MAP4K3: variants seen among roughly 807,000 people sequenced by gnomAD.
The protein encoded by MAP4K3 is mitogen-activated protein kinase kinase kinase kinase 3.
MAP4K3 carries 94 observed loss-of-function variants against 143.5 expected under a neutral mutation model. The ratio of observed to expected loss-of-function variants is 0.65; its 90% CI spans 0.55 to 0.78. The LOEUF is 0.78. Ranked by LOEUF, MAP4K3 falls within the 30% of genes least tolerant of loss-of-function variation. MAP4K3 has a pLI of 0.00. For synonymous variants in MAP4K3, 416 were observed against 347.2 expected, an observed-to-expected ratio of 1.20 and a Z score of -2.20; for missense variants, 1,077 against 1,068.1, an observed-to-expected ratio of 1.01 and a Z score of -0.12.
At chr2:39,253,156 G>A (rs549920458) in intron 32 of MAP4K3, among the ~76,000 whole-genome samples, 24 of 152,242 alleles carry the variant, frequency 1.6e-4, no homozygotes, top group African/African-American at 5.3e-4. Flanking sequence ...GGAGGGGGAC[G>A]GAGTCTTGTT....
rs552085598 is a variant in MAP4K3 at position 39,327,163 on chromosome 2, C to G, written c.531-886G>C. On this transcript the variant is annotated intron_variant, in intron 8 of 33. Coordinates refer to ENST00000263881, the MANE Select transcript of MAP4K3 (RefSeq NM_003618.4). ...TAATAAGCAACCTATAGCTCTACTT[C>G]CTGTTATCAAAAAACTGCGACCAGG... is the stretch of plus-strand genomic sequence containing the variant. Among the ~76,000 whole-genome samples the G allele has an allele frequency of 2.6e-5, 4 of 152,254 alleles. No homozygotes were observed. The East Asian group carries it at 5.8e-4, about 22-fold the overall frequency.
intron 1 of MAP4K3, among the ~76,000 whole-genome samples, chr2:39,429,938 C>A (rs1346398701): frequency 6.6e-6 from 1 of 152,168 alleles, no homozygotes; most frequent in South Asian, 2.1e-4. Context: ...ATCAAAAGTG[C>A]TGAGGCAATT....
At chr2:39,391,184 T>C (rs1447933601) in intron 1 of MAP4K3, among the ~76,000 whole-genome samples, 1 of 149,906 alleles carries the variant, frequency 6.7e-6, no homozygotes, top group East Asian at 2.0e-4. Flanking sequence ...TGAAACCCCG[T>C]CTCTACTAAA....
chr2:39,281,659 C>T (rs984417327), intron 22 of MAP4K3, among the ~76,000 whole-genome samples: 5 of 152,080 alleles, frequency 3.3e-5, no homozygotes, highest in Admixed American at 3.3e-4. Flanking sequence ...CCCTGTCAAA[C>T]TGCAAGCCTG....
intron 12 of MAP4K3, among the ~76,000 whole-genome samples, chr2:39,322,820 C>T (rs941760309): frequency 6.6e-6 from 1 of 151,920 alleles, no homozygotes; most frequent in African/African-American, 2.4e-5. Flanking sequence ...CACGCATGAG[C>T]CACCATGCCC....
At chr2:39,435,446 T>C (rs910276308) in intron 1 of MAP4K3, among the ~76,000 whole-genome samples, 15 of 152,110 alleles carry the variant, frequency 9.9e-5, no homozygotes, top group African/African-American at 3.4e-4. Context: ...TCACATATCA[T>C]GCTCCCCTAT....
At chr2:39,415,649 C>A (rs2148621885) in intron 1 of MAP4K3, among the ~76,000 whole-genome samples, 1 of 151,822 alleles carries the variant, frequency 6.6e-6, no homozygotes, top group South Asian at 2.1e-4. Flanking sequence ...ATTAATGGTA[C>A]TTAATATAAA....
At chr2:39,320,202 A>G (rs568416517) in intron 12 of MAP4K3, among the ~76,000 whole-genome samples, 1 of 152,314 alleles carries the variant, frequency 6.6e-6, no homozygotes, top group South Asian at 2.1e-4. Context: ...AAAATTAAGT[A>G]TTTCAATAAT....
At chr2:39,383,148 G>C (rs946133886) in intron 1 of MAP4K3, among the ~76,000 whole-genome samples, 4 of 152,156 alleles carry the variant, frequency 2.6e-5, no homozygotes, top group African/African-American at 9.7e-5. Context: ...AGGTGTATTA[G>C]TTTGTTCTCA....
intron 1 of MAP4K3, among the ~76,000 whole-genome samples, chr2:39,396,239 C>A (rs12712642): frequency 0.67 from 101,974 of 151,504 alleles, 37,715 homozygotes; most frequent in Non-Finnish European, 0.82. Flanking sequence ...TGGGGTCTCA[C>A]GATGTTGCTC....
chr2:39,251,556 A>C (rs915130011), intron 33 of MAP4K3, among the ~76,000 whole-genome samples: 9 of 152,242 alleles, frequency 5.9e-5, no homozygotes, highest in African/African-American at 2.2e-4. Flanking sequence ...AGTTCTGTTC[A>C]TTAACATATG....
At chr2:39,371,609 A>G (rs1666082919) in intron 2 of MAP4K3, among the ~76,000 whole-genome samples, 1 of 152,210 alleles carries the variant, frequency 6.6e-6, no homozygotes, top group Non-Finnish European at 1.5e-5. Context: ...TGGATAAGAA[A>G]ATAAGGCCCA....
At position 39,325,566 on chromosome 2, in the gene MAP4K3, A is replaced by G. The variant is rs750022647; in HGVS notation, c.870T>C (p.Asn290=). Residue 290 remains asparagine (N), a synonymous_variant, in exon 12 of 34, where the codon AAT becomes AAC. Transcript: ENST00000263881. ...CATGGTAAGTGGAATGATCTGGATT[A>G]TTTACTTTATCCAACAGCTCGATTG... The part of the protein sequence containing the change: ...SLAIELLDKV[N]NPDHSTYHDF... 6.2e-7 allele frequency: 1 copy of G among 1,613,154 alleles called. No homozygotes were observed. The highest frequency in any genetic ancestry group is 1.7e-5 in the Admixed American group (1 of 60,014).
intron 31 of MAP4K3, among the ~76,000 whole-genome samples, chr2:39,255,005 T>C (rs976174708): frequency 3.9e-5 from 6 of 152,168 alleles, no homozygotes; most frequent in Non-Finnish European, 8.8e-5. Flanking sequence ...TAAAAACAAA[T>C]ACAGCTGGCA....
At chr2:39,340,184 A>C (rs1359617511) in intron 4 of MAP4K3, among the ~76,000 whole-genome samples, 1 of 152,218 alleles carries the variant, frequency 6.6e-6, no homozygotes, top group Non-Finnish European at 1.5e-5. Context: ...TACTCTCTCT[A>C]TATAATGACA....
intron 12 of MAP4K3, among the ~76,000 whole-genome samples, chr2:39,316,563 A>G (rs1683118565): frequency 6.6e-6 from 1 of 152,112 alleles, no homozygotes; most frequent in African/African-American, 2.4e-5. Context: ...TTTGAAAATG[A>G]AATATTTCAT....
chr2:39,420,727 AAAT>A lies in MAP4K3; in HGVS notation c.96+16162_96+16164del, dbSNP rs544563572. On this transcript the variant is annotated intron_variant, in intron 1 of 33. Coordinates refer to ENST00000263881, the MANE Select transcript of MAP4K3 (RefSeq NM_003618.4). ...CATGCCCGGCCGCCATGAATTTCTC[AAAT>A]ATTAAAAGTGAGGAAGAAGTTAAGA... Among the ~76,000 whole-genome samples, 251 of 152,246 alleles carry A rather than the reference AAAT, an allele frequency of 1.6e-3. 2 individuals are homozygous for A. Among genetic ancestry groups the A allele is most frequent in the African/African-American group, 5.8e-3 (239 of 41,534 alleles).
At chr2:39,365,906 T>C (rs1253044319) in intron 2 of MAP4K3, among the ~76,000 whole-genome samples, 1 of 152,250 alleles carries the variant, frequency 6.6e-6, no homozygotes, top group African/African-American at 2.4e-5. Flanking sequence ...ACATCTACGT[T>C]ACATGTAAAA....
At chr2:39,313,786 T>A (rs1324329106) in intron 13 of MAP4K3, among the ~76,000 whole-genome samples, 1 of 152,022 alleles carries the variant, frequency 6.6e-6, no homozygotes, top group Non-Finnish European at 1.5e-5. Context: ...AGTACTGGGA[T>A]TATAGGTGTG....
Sources: gnomAD v4.1 joint callset for allele counts (sites outside exome capture counted in the v4.1 genomes callset) on GRCh38, gnomAD v4.1.1 for gene constraint, MANE v1.5 for transcripts, NCBI Gene and HGNC (gene_info 2026-07-23, HGNC 2026-07-21) for gene names.